Variants in ST6GALNAC5 observed in about 807,000 individuals in gnomAD.
ST6GALNAC5 encodes the protein ST6 N-acetylgalactosaminide alpha-2,6-sialyltransferase 5.
In ST6GALNAC5, 27 loss-of-function variants were observed where a neutral mutation model predicts 33.6. The ratio of observed to expected loss-of-function variants is 0.80; its 90% CI spans 0.59 to 1.11. The LOEUF is 1.11. Ranked by LOEUF, ST6GALNAC5 falls within the 50% of genes least tolerant of loss-of-function variation. The pLI, the probability that ST6GALNAC5 is intolerant of heterozygous loss-of-function variation, is 0.00. For synonymous variants in ST6GALNAC5, 194 were observed against 171.2 expected (o/e 1.13, Z -1.04); for missense variants, 428 against 454.0 (o/e 0.94, Z 0.52).
Position 76,956,619 on chromosome 1 carries a change from G to A in ST6GALNAC5, c.262-87585G>A, listed in dbSNP as rs74090519. 3.2e-3 allele frequency among the ~76,000 whole-genome samples: 482 copies of A among 152,140 alleles called. 3 individuals carry two copies. Among genetic ancestry groups the A allele is most frequent in the African/African-American group, 0.011 (463 of 41,520 alleles). The stretch of plus-strand genomic sequence containing the variant: ...ATTTACTTTGTTCCTATTTTGACTT[G>A]TTGTGTGATGTCTGTCACTCCTGTC... On this transcript the variant is annotated intron_variant, in intron 2 of 4. Transcript: ENST00000477717.
At chr1:76,878,981 G>C (rs867860428) in intron 2 of ST6GALNAC5, among the ~76,000 whole-genome samples, 1 of 152,244 alleles carries the variant, frequency 6.6e-6, no homozygotes. Flanking sequence ...TCAGGATCCA[G>C]TTATTCCCAC....
chr1:76,943,668 A>C (rs1445278101), intron 2 of ST6GALNAC5, among the ~76,000 whole-genome samples: 1 of 152,102 alleles, frequency 6.6e-6, no homozygotes, highest in Non-Finnish European at 1.5e-5. Context: ...GAAACAATAC[A>C]GTCCTTCATA....
chr1:76,955,555 A>C (rs761121558), intron 2 of ST6GALNAC5, among the ~76,000 whole-genome samples: 2 of 152,170 alleles, frequency 1.3e-5, no homozygotes, highest in Admixed American at 6.6e-5. Flanking sequence ...AGGGAGCTAG[A>C]ATCCTAGGAC....
intron 2 of ST6GALNAC5, among the ~76,000 whole-genome samples, chr1:76,973,908 G>A (rs1336249183): frequency 2.9e-5 from 3 of 103,790 alleles, no homozygotes; most frequent in Middle Eastern, 5.4e-3. Context: ...TGTTCTGTTT[G>A]GATTATTAGC....
chr1:76,910,371 GA>G (rs1646899056), intron 2 of ST6GALNAC5, among the ~76,000 whole-genome samples: 2 of 151,924 alleles, frequency 1.3e-5, no homozygotes, highest in Non-Finnish European at 2.9e-5. Flanking sequence ...AAAGATGTGT[GA>G]TTTTTTTAAT....
At chr1:76,981,238 A>G (rs1342504578) in intron 2 of ST6GALNAC5, among the ~76,000 whole-genome samples, 3 of 152,176 alleles carry the variant, frequency 2.0e-5, no homozygotes, top group Non-Finnish European at 4.4e-5. Flanking sequence ...TTTCCTAGCC[A>G]AGGGAAGCCG....
At chr1:76,879,590 G>T (rs979896502) in intron 2 of ST6GALNAC5, among the ~76,000 whole-genome samples, 1 of 152,196 alleles carries the variant, frequency 6.6e-6, no homozygotes, top group Non-Finnish European at 1.5e-5. Context: ...AAGCAAACAG[G>T]GGTGTTGGGG....
At chr1:76,911,845 A>G (rs1439563262) in intron 2 of ST6GALNAC5, among the ~76,000 whole-genome samples, 1 of 152,040 alleles carries the variant, frequency 6.6e-6, no homozygotes, top group Non-Finnish European at 1.5e-5. Context: ...CTAGCGGTCT[A>G]TCAATTCTGT....
chr1:76,936,821 T>G (rs960104458), intron 2 of ST6GALNAC5, among the ~76,000 whole-genome samples: 1 of 151,960 alleles, frequency 6.6e-6, no homozygotes, highest in African/African-American at 2.4e-5. Context: ...TATGTGGTCA[T>G]GTGGTGGAAG....
intron 2 of ST6GALNAC5, among the ~76,000 whole-genome samples, chr1:76,992,775 ATGAGCCAC>A (rs1328718249): frequency 3.9e-5 from 6 of 152,202 alleles, no homozygotes; most frequent in Non-Finnish European, 2.9e-5. Flanking sequence ...TATTACAGGC[ATGAGCCAC>A]TGAGCCCATA....
At chr1:77,061,823 A>C (rs1652585079) in intron 4 of ST6GALNAC5, among the ~76,000 whole-genome samples, 1 of 152,216 alleles carries the variant, frequency 6.6e-6, no homozygotes, top group South Asian at 2.1e-4. Flanking sequence ...CATCTTGAAG[A>C]AATGAGCCAG....
chr1:76,893,525 T>C (rs1654057164), intron 2 of ST6GALNAC5, among the ~76,000 whole-genome samples: 1 of 152,200 alleles, frequency 6.6e-6, no homozygotes, highest in African/African-American at 2.4e-5. Context: ...ACTATCCACG[T>C]CATTGGAATT....
intron 4 of ST6GALNAC5, among the ~76,000 whole-genome samples, chr1:77,057,009 A>G (rs1652420714): frequency 6.6e-6 from 1 of 152,244 alleles, no homozygotes; most frequent in African/African-American, 2.4e-5. Context: ...TCAATGCCTC[A>G]TAGTGTCACC....
intron 2 of ST6GALNAC5, among the ~76,000 whole-genome samples, chr1:76,995,681 T>C (rs553864449): frequency 6.6e-6 from 1 of 151,806 alleles, no homozygotes; most frequent in South Asian, 2.1e-4. Flanking sequence ...TATGACATAA[T>C]AATATAATAT....
intron 2 of ST6GALNAC5, among the ~76,000 whole-genome samples, chr1:76,892,481 G>A (rs1295940350): frequency 6.6e-6 from 1 of 152,112 alleles, no homozygotes; most frequent in East Asian, 1.9e-4. Context: ...TTTATGAATA[G>A]TCCATATGTT....
chr1:76,966,104 C>A (rs979893277), intron 2 of ST6GALNAC5, among the ~76,000 whole-genome samples: 1 of 152,034 alleles, frequency 6.6e-6, no homozygotes, highest in Admixed American at 6.6e-5. Flanking sequence ...CTTTTTGGAT[C>A]CATATGAACT....
At chr1:76,872,027 C>A (rs1326616596) in intron 2 of ST6GALNAC5, among the ~76,000 whole-genome samples, 2 of 149,094 alleles carry the variant, frequency 1.3e-5, no homozygotes, top group Non-Finnish European at 3.0e-5. Context: ...GCTTTGGGAA[C>A]CTTCTGCATT....
intron 2 of ST6GALNAC5, among the ~76,000 whole-genome samples, chr1:77,029,665 A>C (rs1651377597): frequency 6.6e-6 from 1 of 152,226 alleles, no homozygotes; most frequent in Non-Finnish European, 1.5e-5. Context: ...AAAGTTAGTC[A>C]TCACCATCAT....
At chr1:76,900,712 T>G (rs1163680822) in intron 2 of ST6GALNAC5, among the ~76,000 whole-genome samples, 1 of 152,188 alleles carries the variant, frequency 6.6e-6, no homozygotes, top group African/African-American at 2.4e-5. Flanking sequence ...TTTTAAAATT[T>G]TTCATTTTTA....
Sources: allele counts gnomAD v4.1 joint callset (sites outside exome capture counted in the v4.1 genomes callset), GRCh38; gene constraint gnomAD v4.1.1; transcripts MANE v1.5; gene names NCBI Gene and HGNC (gene_info 2026-07-23, HGNC 2026-07-21).